The following GPC5 variants were observed in gnomAD, a reference collection of about 807,000 sequenced individuals.
GPC5 encodes glypican 5, also known as glypican-5.
In GPC5, 47 loss-of-function variants were observed where a neutral mutation model predicts 53.9. The observed-to-expected ratio is 0.87, with a 90% CI of 0.69 to 1.11. The LOEUF is 1.11. Among genes scored for constraint, GPC5 ranks in the 50% most tolerant of loss-of-function variants. GPC5 has a pLI of 0.00. For missense variants in GPC5, 748 were observed against 713.1 expected, an observed-to-expected ratio of 1.05 and a Z score of -0.56; for synonymous variants, 286 against 263.3, an observed-to-expected ratio of 1.09 and a Z score of -0.84.
chr13:91,924,753 C>A (rs1046100972), intron 6 of GPC5, among the ~76,000 whole-genome samples: 26 of 151,488 alleles, frequency 1.7e-4, no homozygotes, highest in Admixed American at 5.3e-4. Flanking sequence ...AAATAATAAT[C>A]ATAAAATAAA....
chr13:91,414,410 G>A (rs1878032909), intron 1 of GPC5, among the ~76,000 whole-genome samples: 1 of 152,214 alleles, frequency 6.6e-6, no homozygotes, highest in African/African-American at 2.4e-5. Flanking sequence ...ACCTCTTTCT[G>A]TTATAAATTA....
At chr13:91,692,722 C>T (rs2035781976) in intron 2 of GPC5, among the ~76,000 whole-genome samples, 1 of 152,176 alleles carries the variant, frequency 6.6e-6, no homozygotes, top group Non-Finnish European at 1.5e-5. Context: ...CAGCTCATTG[C>T]AACCTCCGCC....
intron 7 of GPC5, among the ~76,000 whole-genome samples, chr13:92,719,691 G>T (rs929037523): frequency 2.6e-5 from 4 of 151,994 alleles, no homozygotes; most frequent in Admixed American, 2.6e-4. Flanking sequence ...TTTTCATTGT[G>T]ATAAAGAAGC....
At chr13:92,471,490 C>T (rs1222407186) in intron 7 of GPC5, among the ~76,000 whole-genome samples, 2 of 151,770 alleles carry the variant, frequency 1.3e-5, no homozygotes, top group South Asian at 2.1e-4. Context: ...GTAAGCCATC[C>T]AGGCTAGAAC....
At chr13:92,198,877 G>T (rs984799112) in intron 7 of GPC5, among the ~76,000 whole-genome samples, 1 of 152,068 alleles carries the variant, frequency 6.6e-6, no homozygotes, top group Non-Finnish European at 1.5e-5. Context: ...TCTGAACCAG[G>T]TCTTATTCCA....
At chr13:91,959,983 T>C (rs72633750) in intron 6 of GPC5, among the ~76,000 whole-genome samples, 4,177 of 151,978 alleles carry the variant, frequency 0.027, 144 homozygotes, top group African/African-American at 0.083. Context: ...ACCAGCATCA[T>C]ACTGAATGAG....
chr13:92,762,829 C>T (rs1377117446), intron 7 of GPC5, among the ~76,000 whole-genome samples: 1 of 151,736 alleles, frequency 6.6e-6, no homozygotes, highest in Admixed American at 6.6e-5. Context: ...GAGATTCTTT[C>T]TTCTTTTCAA....
At chr13:91,630,790 A>G (rs909888123) in intron 2 of GPC5, among the ~76,000 whole-genome samples, 15 of 152,136 alleles carry the variant, frequency 9.9e-5, no homozygotes, top group African/African-American at 3.6e-4. Flanking sequence ...TTCTGGGGAA[A>G]ATGTGGGAGG....
intron 7 of GPC5, among the ~76,000 whole-genome samples, chr13:92,621,268 CT>C (rs1016337630): frequency 2.0e-5 from 3 of 152,142 alleles, no homozygotes; most frequent in African/African-American, 7.2e-5. Flanking sequence ...AAACCCACCC[CT>C]GATGGTACCC....
At chr13:92,314,181 A>G (rs2043163622) in intron 7 of GPC5, among the ~76,000 whole-genome samples, 2 of 152,104 alleles carry the variant, frequency 1.3e-5, no homozygotes, top group African/African-American at 4.8e-5. Flanking sequence ...TTTTCTTGGA[A>G]GCAAGGGCAG....
chr13:91,784,965 C>A (rs762971840), intron 5 of GPC5, among the ~76,000 whole-genome samples: 1 of 152,172 alleles, frequency 6.6e-6, no homozygotes, highest in Non-Finnish European at 1.5e-5. Flanking sequence ...CCAGTGGTTG[C>A]TACTTGGGTA....
intron 6 of GPC5, among the ~76,000 whole-genome samples, chr13:92,113,826 C>CAA (rs199588365): frequency 1.4e-5 from 2 of 143,432 alleles, no homozygotes; most frequent in African/African-American, 5.2e-5. Flanking sequence ...GAAGAATTAA[C>CAA]AAAAAAAACA....
chr13:91,921,787 AAAAGAAAG>A (rs61008129), intron 6 of GPC5, among the ~76,000 whole-genome samples: 23 of 145,574 alleles, frequency 1.6e-4, no homozygotes, highest in East Asian at 6.1e-4. Flanking sequence ...TTAAAAAAAA[AAAAGAAAG>A]AAAGAAAGAA....
intron 6 of GPC5, among the ~76,000 whole-genome samples, chr13:91,921,018 ACT>A (rs2039708471): frequency 7.6e-6 from 1 of 132,140 alleles, no homozygotes; most frequent in Non-Finnish European, 1.5e-5. Flanking sequence ...ACTCTCTGCA[ACT>A]CTGTCTCCTG....
At chr13:92,379,487 GTTAGTTCCTCTCTCTGTCCTCTGCAT>G (rs1261299194) in intron 7 of GPC5, among the ~76,000 whole-genome samples, 17 of 152,064 alleles carry the variant, frequency 1.1e-4, no homozygotes, top group African/African-American at 4.1e-4. Context: ...TCCTCTGCAC[GTTAGTTCCTCTCTCTGTCCTCTGCAT>G]GTTAGTTCCT....
intron 7 of GPC5, among the ~76,000 whole-genome samples, chr13:92,439,174 G>C (rs1318737165): frequency 6.6e-6 from 1 of 152,274 alleles, no homozygotes; most frequent in South Asian, 2.1e-4. Context: ...TCAAGGAAAA[G>C]AAGTGCATAA....
Position 92,115,432 on chromosome 13 carries a change from G to T in GPC5, c.1402-29398G>T, listed in dbSNP as rs146673801. On this transcript the variant is annotated intron_variant, in intron 6 of 7. Transcript: ENST00000377067. ...GAAGCAGGAGAGTTGCTTGAACACG[G>T]GAGGCGGAGGTTGCAGTGAGCTGAG... Among the ~76,000 whole-genome samples, 357 of 152,204 alleles carry T rather than the reference G, an allele frequency of 2.3e-3. 1 individual carries two copies. Among genetic ancestry groups the T allele is most frequent in the African/African-American group, 8.2e-3 (340 of 41,536 alleles).
At chr13:91,590,235 C>A (rs1264752039) in intron 2 of GPC5, among the ~76,000 whole-genome samples, 1 of 150,916 alleles carries the variant, frequency 6.6e-6, no homozygotes, top group African/African-American at 2.4e-5. Flanking sequence ...TATAAAATAC[C>A]AAGTAATATT....
intron 7 of GPC5, among the ~76,000 whole-genome samples, chr13:92,276,871 T>G (rs1463586271): frequency 2.0e-5 from 3 of 152,120 alleles, no homozygotes; most frequent in African/African-American, 7.2e-5. Flanking sequence ...GTATAAATTT[T>G]ACAGGAAAGA....
Sources: allele counts gnomAD v4.1 joint callset (sites outside exome capture counted in the v4.1 genomes callset), GRCh38; gene constraint gnomAD v4.1.1; transcripts MANE v1.5; gene names NCBI Gene and HGNC (gene_info 2026-07-23, HGNC 2026-07-21).